The following TFB1M variants were observed in gnomAD, a reference collection of about 807,000 sequenced individuals.
The protein encoded by TFB1M is dimethyladenosine transferase 1, mitochondrial.
A neutral mutation model predicts 31.1 loss-of-function variants in TFB1M; 27 were observed. The observed-to-expected ratio is 0.87, with a 90% confidence interval of 0.64 to 1.20. The LOEUF (loss-of-function observed/expected upper bound fraction) is 1.20. Among genes scored for constraint, TFB1M ranks in the 50% most tolerant of loss-of-function variants. The pLI is 0.00. For synonymous variants in TFB1M, 166 were observed against 151.8 expected (o/e 1.09, Z -0.69); for missense variants, 394 against 418.7 (o/e 0.94, Z 0.51).
chr6:155,304,868 A>T (rs937595818), intron 2 of TFB1M, among the ~76,000 whole-genome samples: 14 of 151,592 alleles, frequency 9.2e-5, no homozygotes, highest in Non-Finnish European at 1.9e-4. Context: ...GAAACAATAG[A>T]CCTATAGATA....
intron 5 of TFB1M, among the ~76,000 whole-genome samples, chr6:155,266,846 C>CAACAA (rs1784662984): frequency 3.2e-5 from 2 of 62,832 alleles, no homozygotes; most frequent in Non-Finnish European, 5.7e-5. Context: ...GACTCCGTCT[C>CAACAA]AAAAAAAAAA....
chr6:155,247,977 G>A, the TFB1M span: 7 of 1,610,076 alleles, frequency 4.3e-6, no homozygotes, highest in Admixed American at 1.7e-5. Flanking sequence ...CTCTTCTGAG[G>A]TCTTTTATCC....
At chr6:155,255,434 T>C (rs182259342), downstream of TFB1M, 1 of 152,334 alleles carries the variant, frequency 6.6e-6, no homozygotes, top group African/African-American at 2.4e-5. Flanking sequence ...GTTTTTAGGC[T>C]TAGAAAATGT....
At chr6:155,304,948 C>G (rs1777602057) in intron 2 of TFB1M, among the ~76,000 whole-genome samples, 1 of 150,128 alleles carries the variant, frequency 6.7e-6, no homozygotes, top group Non-Finnish European at 1.5e-5. Flanking sequence ...GACAATAGTA[C>G]TAAGGCAATT....
At chr6:155,270,318 T>C (rs1171808230) in intron 5 of TFB1M, among the ~76,000 whole-genome samples, 1 of 152,094 alleles carries the variant, frequency 6.6e-6, no homozygotes, top group Non-Finnish European at 1.5e-5. Flanking sequence ...GGCAAGAGAT[T>C]TAAGCTGAGG....
the TFB1M span, among the ~76,000 whole-genome samples, chr6:155,237,912 T>C: frequency 1.3e-5 from 2 of 152,236 alleles, no homozygotes. Context: ...TTCATCATTG[T>C]CTTGGGGATT....
intron 4 of TFB1M, among the ~76,000 whole-genome samples, chr6:155,286,719 G>A (rs775525022): frequency 5.3e-5 from 8 of 150,786 alleles, no homozygotes; most frequent in Non-Finnish European, 1.0e-4. Flanking sequence ...GCTCATGCCT[G>A]TAATTCCAGT....
chr6:155,271,749 C>T (rs890823617), intron 5 of TFB1M, among the ~76,000 whole-genome samples: 2 of 152,100 alleles, frequency 1.3e-5, no homozygotes, highest in African/African-American at 4.8e-5. Flanking sequence ...TATCTTTCAA[C>T]ATAGAGAAAA....
chr6:155,231,117 T>C, the TFB1M span, among the ~76,000 whole-genome samples: 17 of 152,266 alleles, frequency 1.1e-4, no homozygotes, highest in Non-Finnish European at 1.6e-4. Context: ...GCTGGGATTA[T>C]AGGCGTGAGC....
intron 5 of TFB1M, among the ~76,000 whole-genome samples, chr6:155,262,436 C>T (rs1284409854): frequency 6.6e-6 from 1 of 152,134 alleles, no homozygotes; most frequent in Non-Finnish European, 1.5e-5. Flanking sequence ...CTGGACTCTC[C>T]ATTTCCCTTT....
At chr6:155,311,521 C>T (rs542498709) in intron 1 of TFB1M, among the ~76,000 whole-genome samples, 182 bp from the exon 2 acceptor site, 1 of 152,278 alleles carries the variant, frequency 6.6e-6, no homozygotes, top group South Asian at 2.1e-4. Flanking sequence ...ATCGAATATG[C>T]TACCACATCA....
intron 5 of TFB1M, among the ~76,000 whole-genome samples, chr6:155,282,461 G>T (rs1240510944): frequency 2.6e-5 from 4 of 152,202 alleles, no homozygotes; most frequent in African/African-American, 9.6e-5. Context: ...TATCACAAAA[G>T]AAATTCTCTA....
chr6:155,269,280 C>G (rs770295240), intron 5 of TFB1M, among the ~76,000 whole-genome samples: 1 of 150,266 alleles, frequency 6.7e-6, no homozygotes, highest in Non-Finnish European at 1.5e-5. Context: ...TGGCCTTAGT[C>G]AAAAGTTACT....
the TFB1M span, chr6:155,248,064 C>G: frequency 6.2e-7 from 1 of 1,614,246 alleles, no homozygotes; most frequent in Non-Finnish European, 8.5e-7. Flanking sequence ...AGCATTCCTC[C>G]ACGCTGGAGT....
intron 2 of TFB1M, among the ~76,000 whole-genome samples, chr6:155,308,542 A>G (rs1352766829): frequency 6.6e-6 from 1 of 152,232 alleles, no homozygotes; most frequent in Non-Finnish European, 1.5e-5. Context: ...TCACCCAACT[A>G]GTAGTAGAAT....
At chr6:155,242,637 G>A in the TFB1M span, among the ~76,000 whole-genome samples, 1 of 152,188 alleles carries the variant, frequency 6.6e-6, no homozygotes, top group African/African-American at 2.4e-5. Flanking sequence ...AGCTGACTTT[G>A]CAGTCAACTG....
At chr6:155,312,696 C>T (rs548896725) in intron 1 of TFB1M, among the ~76,000 whole-genome samples, 17 of 152,122 alleles carry the variant, frequency 1.1e-4, no homozygotes, top group Middle Eastern at 3.4e-3. Flanking sequence ...CCCTCATCTC[C>T]GTTAACTCTG....
intron 5 of TFB1M, among the ~76,000 whole-genome samples, chr6:155,261,654 CG>C (rs1784398686): frequency 6.6e-6 from 1 of 152,196 alleles, no homozygotes; most frequent in Non-Finnish European, 1.5e-5. Context: ...ATCAAGGCCC[CG>C]GACCCCTGAG....
rs202137053 is a variant in TFB1M, at chr6:155,314,447, T to C, written c.-19A>G. 7.4e-6 allele frequency: 12 copies of C among 1,613,802 alleles called. No homozygotes were observed. The highest frequency in any genetic ancestry group is 2.2e-5 in the East Asian group (1 of 44,868). On this transcript the variant is annotated 5_prime_UTR_variant, in exon 1 of 7. The change abolishes an upstream ATG in the 5' untranslated region. Coordinates refer to ENST00000367166, the MANE Select transcript of TFB1M (RefSeq NM_016020.4). Reference sequence around the variant, plus strand: ...CAGCCATGATACGCGGCAAGCACCATCCAACCCTACCTCACCCAGGACCTT... The same window carrying C: ...CAGCCATGATACGCGGCAAGCACCACCCAACCCTACCTCACCCAGGACCTT...
Sources: allele counts gnomAD v4.1 joint callset (sites outside exome capture counted in the v4.1 genomes callset), GRCh38; gene constraint gnomAD v4.1.1; transcripts MANE v1.5; gene names NCBI Gene and HGNC (gene_info 2026-07-23, HGNC 2026-07-21).